Variants in DOCK3 observed in about 807,000 individuals in gnomAD.
DOCK3 encodes the protein dedicator of cytokinesis protein 3.
DOCK3 carries 60 observed loss-of-function variants against 265.6 expected under a neutral mutation model. The ratio of observed to expected loss-of-function variants is 0.23; its 90% CI spans 0.18 to 0.28. DOCK3 has a LOEUF of 0.28. Among genes scored for constraint, DOCK3 ranks in the 10% least tolerant of loss-of-function variants. The pLI, the probability that DOCK3 is intolerant of heterozygous loss-of-function variation, is 1.00. For synonymous variants in DOCK3, 881 were observed against 938.0 expected (o/e 0.94, Z 1.11); for missense variants, 1,981 against 2,594.3 (o/e 0.76, Z 5.14).
chr3:51,076,748 A>G (rs1369624410), intron 7 of DOCK3, among the ~76,000 whole-genome samples: 1 of 152,184 alleles, frequency 6.6e-6, no homozygotes, highest in Non-Finnish European at 1.5e-5. Context: ...TAATTTAAGT[A>G]TACAATGATG....
chr3:50,749,652 T>A (rs2108296047), intron 1 of DOCK3, among the ~76,000 whole-genome samples: 1 of 152,234 alleles, frequency 6.6e-6, no homozygotes, highest in Admixed American at 6.5e-5. Context: ...AAAAATCCCA[T>A]CATAGAGACT....
intron 1 of DOCK3, among the ~76,000 whole-genome samples, chr3:50,765,072 G>GTTTTTTTTTTTTT: frequency 2.1e-5 from 1 of 47,434 alleles, no homozygotes; most frequent in Non-Finnish European, 3.6e-5. Context: ...ACTTTCTTAG[G>GTTTTTTTTTTTTT]TTTTTTTTTT....
At chr3:50,880,476 C>CTG (rs1179053136) in intron 3 of DOCK3, 2 of 163,028 alleles carry the variant, frequency 1.2e-5, no homozygotes, top group Admixed American at 6.5e-5. Flanking sequence ...ATACAAACTA[C>CTG]CATCAGAAAA....
chr3:50,709,095 T>A (rs1178182184), intron 1 of DOCK3, among the ~76,000 whole-genome samples: 1 of 152,242 alleles, frequency 6.6e-6, no homozygotes, highest in Non-Finnish European at 1.5e-5. Context: ...TGCTAAGACT[T>A]CTAATCCTGA....
intron 27 of DOCK3, among the ~76,000 whole-genome samples, chr3:51,308,764 A>G (rs1253194012): frequency 6.6e-6 from 1 of 151,118 alleles, no homozygotes; most frequent in East Asian, 2.0e-4. Flanking sequence ...GTGGCCGGGC[A>G]GAGGGGCTCC....
At chr3:51,068,326 G>T (rs1165491047) in intron 6 of DOCK3, among the ~76,000 whole-genome samples, 1 of 151,836 alleles carries the variant, frequency 6.6e-6, no homozygotes, top group Non-Finnish European at 1.5e-5. Flanking sequence ...AGATCACGAG[G>T]TCAAGAGATC....
chr3:50,932,900 A>T (rs987491514), intron 4 of DOCK3, among the ~76,000 whole-genome samples: 1 of 152,248 alleles, frequency 6.6e-6, no homozygotes, highest in East Asian at 1.9e-4. Context: ...ATAAAGACAT[A>T]TCTGAGACTG....
intron 1 of DOCK3, among the ~76,000 whole-genome samples, chr3:50,735,083 A>G (rs1211608914): frequency 6.6e-6 from 1 of 152,128 alleles, no homozygotes; most frequent in African/African-American, 2.4e-5. Flanking sequence ...TGCCAAGTAT[A>G]ATACTCTTTG....
chr3:50,902,770 A>G (rs558413722), intron 4 of DOCK3, among the ~76,000 whole-genome samples: 1 of 152,306 alleles, frequency 6.6e-6, no homozygotes, highest in African/African-American at 2.4e-5. Flanking sequence ...TTTGGGCAGT[A>G]TGGCCATTTT....
intron 2 of DOCK3, among the ~76,000 whole-genome samples, chr3:50,808,514 G>A (rs1398583847): frequency 6.6e-6 from 1 of 152,158 alleles, no homozygotes; most frequent in Non-Finnish European, 1.5e-5. Context: ...GAATAGAGGG[G>A]CCAGAAATAG....
At chr3:50,980,200 G>A (rs113846841) in intron 5 of DOCK3, among the ~76,000 whole-genome samples, 3,462 of 152,208 alleles carry the variant, frequency 0.023, 65 homozygotes, top group Non-Finnish European at 0.033. Flanking sequence ...CTTTTTCTGC[G>A]TCTATTGAGA....
chr3:50,853,193 C>T (rs1235336089), intron 3 of DOCK3, among the ~76,000 whole-genome samples: 6 of 152,102 alleles, frequency 3.9e-5, no homozygotes, highest in African/African-American at 1.4e-4. Flanking sequence ...TCTCCCTTCC[C>T]TTCCAGCTTC....
chr3:51,019,642 G>A (rs1559951243), intron 5 of DOCK3, among the ~76,000 whole-genome samples: 3 of 151,728 alleles, frequency 2.0e-5, no homozygotes, highest in Admixed American at 1.3e-4. Flanking sequence ...ACCTCCAACA[G>A]GCCCCAGTGT....
chr3:50,968,829 C>G (rs13077958), intron 5 of DOCK3, among the ~76,000 whole-genome samples: 14,473 of 152,192 alleles, frequency 0.095, 858 homozygotes, highest in Non-Finnish European at 0.12. Flanking sequence ...GGATTACAGG[C>G]GTGAGCCACT....
intron 3 of DOCK3, among the ~76,000 whole-genome samples, chr3:50,845,565 A>G (rs2046040458): frequency 6.6e-6 from 1 of 152,174 alleles, no homozygotes; most frequent in East Asian, 1.9e-4. Flanking sequence ...TAAGGCAGGA[A>G]AGGCAGATTG....
At chr3:51,000,424 A>T (rs1413508389) in intron 5 of DOCK3, among the ~76,000 whole-genome samples, 1 of 152,238 alleles carries the variant, frequency 6.6e-6, no homozygotes, top group Non-Finnish European at 1.5e-5. Flanking sequence ...TACTGGGAAC[A>T]CAGCTTGCTG....
intron 5 of DOCK3, among the ~76,000 whole-genome samples, chr3:50,970,887 A>ATT (rs58747991): frequency 6.9e-5 from 1 of 14,400 alleles, no homozygotes; most frequent in African/African-American, 2.6e-4. Flanking sequence ...CACTCATCTA[A>ATT]TTTTTATATA....
intron 5 of DOCK3, among the ~76,000 whole-genome samples, chr3:51,008,215 A>G (rs1017745183): frequency 3.9e-5 from 6 of 152,200 alleles, no homozygotes. Context: ...TACCTTGGGC[A>G]GTATGGCCAT....
chr3:51,105,674 C>A (rs1288588960), intron 9 of DOCK3, among the ~76,000 whole-genome samples: 1 of 152,184 alleles, frequency 6.6e-6, no homozygotes, highest in Admixed American at 6.5e-5. Context: ...ACTCCTGCTC[C>A]AAGATGGCCA....
Sources: gnomAD v4.1 joint callset for allele counts (sites outside exome capture counted in the v4.1 genomes callset) on GRCh38, gnomAD v4.1.1 for gene constraint, MANE v1.5 for transcripts, NCBI Gene and HGNC (gene_info 2026-07-23, HGNC 2026-07-21) for gene names.